SIPA1L1: variants seen among roughly 807,000 people sequenced by gnomAD.
SIPA1L1 encodes the protein signal induced proliferation associated 1 like 1.
In SIPA1L1, 26 loss-of-function variants were observed where a neutral mutation model predicts 162.7. The observed-to-expected ratio is 0.16, with a 90% CI of 0.12 to 0.22. The LOEUF (loss-of-function observed/expected upper bound fraction) is 0.22, where lower values mean the gene tolerates loss of function less well. Ranked by LOEUF, SIPA1L1 falls within the 10% of genes least tolerant of loss-of-function variation. The pLI is 1.00. For missense variants in SIPA1L1, 1,874 were observed against 2,241.0 expected (o/e 0.84, Z 3.31); for synonymous variants, 829 against 837.4 (o/e 0.99, Z 0.17).
intron 2 of SIPA1L1, among the ~76,000 whole-genome samples, chr14:71,395,975 G>A (rs1213095456): frequency 1.3e-5 from 2 of 152,124 alleles, no homozygotes; most frequent in African/African-American, 2.4e-5. Flanking sequence ...TCCCATCCAG[G>A]TCTGATGATG....
intron 10 of SIPA1L1, among the ~76,000 whole-genome samples, chr14:71,662,298 C>T (rs1417476635): frequency 1.3e-5 from 2 of 152,098 alleles, no homozygotes; most frequent in African/African-American, 4.8e-5. Context: ...GTAGAGTAAG[C>T]GTAGCTTAGG....
At chr14:71,437,950 C>T (rs2141127306) in intron 2 of SIPA1L1, among the ~76,000 whole-genome samples, 1 of 152,248 alleles carries the variant, frequency 6.6e-6, no homozygotes, top group South Asian at 2.1e-4. Context: ...TAGTTGTTTA[C>T]TCAGCATCTA....
intron 2 of SIPA1L1, among the ~76,000 whole-genome samples, chr14:71,494,666 A>G (rs2049583408): frequency 6.6e-6 from 1 of 151,928 alleles, no homozygotes; most frequent in Non-Finnish European, 1.5e-5. Context: ...AGCTGGGACT[A>G]TAGGCACACG....
intron 7 of SIPA1L1, among the ~76,000 whole-genome samples, chr14:71,629,465 C>T (rs1567348750): frequency 6.6e-6 from 1 of 152,306 alleles, no homozygotes; most frequent in East Asian, 1.9e-4. Context: ...ACATCAGCCA[C>T]CCTGTCCTCT....
chr14:71,696,543 T>A lies in SIPA1L1; in HGVS notation c.3375-2438T>A, dbSNP rs1279817942. ...TTCATTATTAGTGACCAACTGTTGT[T>A]CAAGTGATCTAGCCCCACCATAGTT... is the stretch of plus-strand genomic sequence containing the variant. On this transcript the variant is annotated intron_variant, in intron 13 of 23. Transcript: ENST00000381232. Among the ~76,000 whole-genome samples, 4 of 152,232 alleles carry A rather than the reference T, an allele frequency of 2.6e-5. 1 individual carries two copies. The highest frequency in any genetic ancestry group is 9.6e-5 in the African/African-American group (4 of 41,468).
chr14:71,559,320 G>T (rs920411142), intron 4 of SIPA1L1, among the ~76,000 whole-genome samples: 2 of 152,014 alleles, frequency 1.3e-5, no homozygotes, highest in Non-Finnish European at 2.9e-5. Flanking sequence ...TGCCCGCCTC[G>T]GCCTCCCAAA....
intron 2 of SIPA1L1, among the ~76,000 whole-genome samples, chr14:71,432,360 A>T (rs2140981939): frequency 6.6e-6 from 1 of 152,266 alleles, no homozygotes; most frequent in East Asian, 1.9e-4. Flanking sequence ...AGCATAAGCC[A>T]CTGTGCCTGG....
intron 8 of SIPA1L1, among the ~76,000 whole-genome samples, chr14:71,653,204 T>C (rs2042772791): frequency 6.6e-6 from 1 of 152,194 alleles, no homozygotes; most frequent in Non-Finnish European, 1.5e-5. Context: ...ATGACTTTTC[T>C]TGCACCTCAG....
intron 4 of SIPA1L1, among the ~76,000 whole-genome samples, chr14:71,563,245 T>G (rs775880999): frequency 6.6e-6 from 1 of 152,228 alleles, no homozygotes; most frequent in Non-Finnish European, 1.5e-5. Flanking sequence ...GTACAAATAC[T>G]TCTTTTATCA....
rs1048625485 is a variant in SIPA1L1, at chr14:71,685,483, C to T, written c.3226C>T (p.Pro1076Ser). 1 of 1,614,204 alleles carries T rather than the reference C, an allele frequency of 6.2e-7. No individual in the cohort carries two copies. The highest frequency in any genetic ancestry group is 8.5e-7 in the Non-Finnish European group (1 of 1,180,040). ...NKWQRNASKG[P>S]HSPQVPSQVQ... The stretch of plus-strand genomic sequence containing the variant: ...GTGGCAGAGGAACGCCAGCAAGGGG[C>T]CTCATTCACCTCAAGTCCCGTCCCA... Residue 1076 changes from proline to serine, a missense_variant, in exon 13 of 24, where the codon CCT becomes TCT. Coordinates refer to ENST00000381232, the MANE Select transcript of SIPA1L1 (RefSeq NM_001386936.1).
In SIPA1L1 at chr14:71,671,277, C is replaced by T; in HGVS notation, c.2414C>T (p.Ala805Val). Residue 805 changes from alanine to valine, a missense_variant, in exon 11 of 24, where the codon GCA (alanine) becomes GTA (valine). Physicochemically the swap from Ala to Val is moderately conservative, Grantham distance 64. This residue lies in a region of SIPA1L1 where 243 missense variants were observed against 315.0 expected (regional missense o/e 0.77). Transcript: ENST00000381232. ...AAATCGGAGAAGTTTCGGGCCATGG[C>T]AACTCGGACCCGCCAGGAATACCTG... is the stretch of plus-strand genomic sequence containing the variant. Reference protein sequence around the residue: ...AHKSEKFRAMATRTRQEYLKD... With the variant: ...AHKSEKFRAMVTRTRQEYLKD... The T allele has an allele frequency of 6.2e-7, 1 of 1,614,154 alleles. No homozygotes were observed. The highest frequency in any genetic ancestry group is 8.5e-7 in the Non-Finnish European group (1 of 1,180,034).
At chr14:71,510,954 C>G (rs972594411) in intron 2 of SIPA1L1, among the ~76,000 whole-genome samples, 2 of 152,132 alleles carry the variant, frequency 1.3e-5, no homozygotes, top group South Asian at 2.1e-4. Flanking sequence ...TAATGTTACC[C>G]TGTCTTTCCC....
intron 2 of SIPA1L1, among the ~76,000 whole-genome samples, chr14:71,422,767 T>G (rs979581073): frequency 2.0e-5 from 3 of 152,250 alleles, no homozygotes; most frequent in Non-Finnish European, 4.4e-5. Context: ...TTAGCTATTG[T>G]GAAGAATGTT....
chr14:71,727,148 T>C (rs1228399381), intron 19 of SIPA1L1, among the ~76,000 whole-genome samples: 1 of 152,010 alleles, frequency 6.6e-6, no homozygotes, highest in African/African-American at 2.4e-5. Flanking sequence ...TAGGATAACG[T>C]TATTTTCCCC....
Position 71,709,275 on chromosome 14 carries a change from G to A in SIPA1L1, c.3819G>A (p.Ala1273=), listed in dbSNP as rs534486866. Residue 1273 remains alanine, a synonymous_variant, in exon 17 of 24, where the codon GCG becomes GCA. Transcript: ENST00000381232. ...HSSSNTLSSN[A]SSAHSDEKWY... is the part of the protein sequence containing the mutation. ...GTAGCAATACTCTCTCCAGCAATGC[G>A]TCAAGTGCCCATAGTGATGAGAAGT... 9.9e-6 allele frequency: 16 copies of A among 1,614,158 alleles called. No homozygotes were observed. The Middle Eastern group carries it at 4.9e-4, about 50-fold the overall frequency.
At position 71,705,333 on chromosome 14, in the gene SIPA1L1, A is replaced by G; in HGVS notation, c.3758A>G (p.Gln1253Arg). 6.2e-7 allele frequency: 1 copy of G among 1,608,422 alleles called. No homozygotes were observed. Among genetic ancestry groups the G allele is most frequent in the Non-Finnish European group, 8.5e-7 (1 of 1,174,812 alleles). The change falls in exon 16 of 24, where the codon CAA becomes CGA. Residue 1253 changes from glutamine (Q) to arginine (R), a missense_variant. By Grantham distance (43) the Gln-to-Arg change is conservative (BLOSUM62 1). Coordinates refer to ENST00000381232, the MANE Select transcript of SIPA1L1 (RefSeq NM_001386936.1). ...DPVVHLSPNK[Q>R]GHSDSHYSSH... ...GTGGTTCATTTGTCTCCAAACAAAC[A>G]AGGGCATGTAAGTTAACTGTAAACT...
chr14:71,692,884 G>T (rs1313902257), intron 13 of SIPA1L1, among the ~76,000 whole-genome samples: 2 of 152,170 alleles, frequency 1.3e-5, no homozygotes, highest in African/African-American at 4.8e-5. Flanking sequence ...AGGAGGGTAG[G>T]CTGTGCTGTC....
At chr14:71,624,023 A>C in intron 6 of SIPA1L1, 25 bp from the exon 7 acceptor site, 1 of 1,563,976 alleles carries the variant, frequency 6.4e-7, no homozygotes, top group African/African-American at 1.4e-5. Flanking sequence ...CAGAAGCCTC[A>C]CCACAGCACC....
At chr14:71,518,377 A>G (rs146842919) in intron 3 of SIPA1L1, among the ~76,000 whole-genome samples, 2 of 152,250 alleles carry the variant, frequency 1.3e-5, no homozygotes, top group African/African-American at 4.8e-5. Flanking sequence ...ATCTAGTTTA[A>G]TTTCCCTCCA....
Sources: allele counts gnomAD v4.1 joint callset (sites outside exome capture counted in the v4.1 genomes callset), GRCh38; gene constraint gnomAD v4.1.1; regional missense constraint gnomAD v4.1.1; transcripts MANE v1.5; gene names NCBI Gene and HGNC (gene_info 2026-07-23, HGNC 2026-07-21).